Variants in LMO4 observed in about 807,000 individuals in gnomAD.
LMO4 encodes the protein LIM domain only 4, also known as LIM domain transcription factor LMO4.
A neutral mutation model predicts 18.5 loss-of-function variants in LMO4; 3 were observed. That is an observed-to-expected ratio of 0.16 (90% CI 0.07 to 0.42). LMO4 has a LOEUF of 0.42. Among genes scored for constraint, LMO4 ranks in the 10% least tolerant of loss-of-function variants. LMO4 has a pLI of 0.99. For synonymous variants in LMO4, 100 were observed against 88.1 expected, an observed-to-expected ratio of 1.14 and a Z score of -0.76; for missense variants, 121 against 219.9, an observed-to-expected ratio of 0.55 and a Z score of 2.84.
At chr1:87,339,660 T>TA (rs759744891) in intron 3 of LMO4, 28 bp downstream of exon 3, 2,484 of 1,231,220 alleles carry the variant, frequency 2.0e-3, no homozygotes, top group Non-Finnish European at 2.4e-3. Flanking sequence ...CTTTTTTTTT[T>TA]AAAAAAAAAA....
Position 87,339,627 on chromosome 1 carries a change from C to A in LMO4, c.328C>A (p.Leu110Ile). The A allele has an allele frequency of 6.2e-7, 1 of 1,602,630 alleles. No individual in the cohort carries two copies. The highest frequency in any genetic ancestry group is 8.5e-7 in the Non-Finnish European group (1 of 1,169,938). The change falls in exon 3 of 5, where the codon CTT (leucine) becomes ATT (isoleucine). Residue 110 changes from leucine to isoleucine, a missense_variant. Around this residue, in one of 4 missense-constraint regions of LMO4, gnomAD observed 62 missense variants for 128.8 expected, o/e 0.48. Transcript: ENST00000370544. ...VMRAQGNVYH[L>I]KCFTCSTCRN... is the part of the protein sequence containing the mutation. Reference sequence around the variant, plus strand: ...GAGGGCGCAAGGCAATGTGTATCATCTTAAGGTAGTATTTGCATCTCTCTT... The same window carrying A: ...GAGGGCGCAAGGCAATGTGTATCATATTAAGGTAGTATTTGCATCTCTCTT...
intron 2 of LMO4, among the ~76,000 whole-genome samples, chr1:87,334,014 G>A (rs762970572): frequency 3.3e-5 from 5 of 151,908 alleles, no homozygotes; most frequent in Admixed American, 1.3e-4. Context: ...AGATGGGTCC[G>A]CTTGTATTCC....
At chr1:87,333,240 A>C (rs1233430702) in intron 2 of LMO4, among the ~76,000 whole-genome samples, 1 of 152,108 alleles carries the variant, frequency 6.6e-6, no homozygotes, top group Non-Finnish European at 1.5e-5. Flanking sequence ...ATTTGAGTAA[A>C]TGGTTTGATA....
At chr1:87,332,864 GTT>G (rs1650196438) in intron 2 of LMO4, among the ~76,000 whole-genome samples, 1 of 152,152 alleles carries the variant, frequency 6.6e-6, no homozygotes. Context: ...TGGTGGTAAT[GTT>G]TCTCTTCATA....
chr1:87,348,805 A>G lies in LMO4; in HGVS notation c.*4009A>G. 1 of 501,580 alleles carries G rather than the reference A, an allele frequency of 2.0e-6. No homozygotes were observed. The highest frequency in any genetic ancestry group is 4.0e-6 in the Non-Finnish European group (1 of 251,360). The allele number at this position is 501,580 out of a possible 1,614,324, so 31.1% of individuals were successfully genotyped here. On this transcript the variant is annotated 3_prime_UTR_variant, in exon 5 of 5. Transcript: ENST00000370544. ...TTCAGATTGATTCTGCTGAGAATGGACGGCAACTCGGAGGCCTCAAGCCAA... is the reference window on the plus strand; with the variant it reads ...TTCAGATTGATTCTGCTGAGAATGGGCGGCAACTCGGAGGCCTCAAGCCAA...
At chr1:87,341,607 G>A (rs1570655028) in intron 4 of LMO4, among the ~76,000 whole-genome samples, 1 of 152,090 alleles carries the variant, frequency 6.6e-6, no homozygotes, top group Admixed American at 6.6e-5. Flanking sequence ...TTAAAATTAT[G>A]CTGCCATATT....
intron 1 of LMO4, among the ~76,000 whole-genome samples, chr1:87,330,701 C>A (rs1343836530): frequency 6.6e-6 from 1 of 152,138 alleles, no homozygotes; most frequent in Non-Finnish European, 1.5e-5. Context: ...TCTGAGGTAT[C>A]AGCTGAATGT....
chr1:87,339,423 A>T, intron 2 of LMO4, 113 bp from the exon 3 acceptor site: 1 of 681,660 alleles, frequency 1.5e-6, no homozygotes, highest in Non-Finnish European at 2.5e-6. Flanking sequence ...GAGCCTAAGA[A>T]TTCAGCCTGT....
chr1:87,334,562 T>C (rs1381622756), intron 2 of LMO4, among the ~76,000 whole-genome samples: 1 of 152,150 alleles, frequency 6.6e-6, no homozygotes, highest in Non-Finnish European at 1.5e-5. Context: ...CGCCGCCAGG[T>C]GAAGGGGACC....
intron 1 of LMO4, 76 bp from the exon 2 acceptor site, chr1:87,331,933 GCTCT>G (rs1650166241): frequency 3.4e-6 from 4 of 1,171,772 alleles, no homozygotes; most frequent in Admixed American, 1.8e-5. Context: ...GAATGGGCTT[GCTCT>G]CTCTCCGGCG....
At position 87,348,600 on chromosome 1, in the gene LMO4, TAA is replaced by T; in HGVS notation, c.*3806_*3807del. On this transcript the variant is annotated 3_prime_UTR_variant, in exon 5 of 5. Transcript: ENST00000370544. ...CATTCGCCGATGCTGGGTACCTAGT[TAA>T]AGAGGCATTTGTAGCCCTCTGCTCC... is the stretch of plus-strand genomic sequence containing the variant. The T allele has an allele frequency of 4.6e-6, 2 of 438,378 alleles. No homozygotes were observed. The highest frequency in any genetic ancestry group is 3.2e-5 in the South Asian group (2 of 61,822). The allele number at this position is 438,378 out of a possible 1,614,324, so 27.2% of individuals were successfully genotyped here.
rs950771216 is a variant in LMO4 at position 87,329,097 on chromosome 1, C to G, written c.-151C>G. 2.6e-5 allele frequency: 4 copies of G among 151,888 alleles called. No homozygotes were observed. Among genetic ancestry groups the G allele is most frequent in the African/African-American group, 9.7e-5 (4 of 41,202 alleles). 9.4% of individuals were successfully genotyped at this position (151,888 alleles called of 1,614,324 possible). On this transcript the variant is annotated 5_prime_UTR_variant, in exon 1 of 5. Coordinates refer to ENST00000370544, the MANE Select transcript of LMO4 (RefSeq NM_006769.4). Reference sequence around the variant, plus strand: ...AAAAAAAAAAAAAGCCGCCCTTAGCCCCCTCCTCCCCTTTCCTGCTTCTGC... The same window carrying G: ...AAAAAAAAAAAAAGCCGCCCTTAGCGCCCTCCTCCCCTTTCCTGCTTCTGC...
intron 2 of LMO4, among the ~76,000 whole-genome samples, chr1:87,339,201 A>G (rs543916967): frequency 4.9e-4 from 75 of 151,856 alleles, no homozygotes; most frequent in African/African-American, 1.7e-3. Flanking sequence ...GACACAATGC[A>G]TTTAAACTCC....
rs547715494 is a variant in LMO4, at chr1:87,346,318, C to T, written c.*1522C>T. On this transcript the variant is annotated 3_prime_UTR_variant, in exon 5 of 5. Coordinates refer to ENST00000370544, the MANE Select transcript of LMO4 (RefSeq NM_006769.4). ...CTGCACTGCCCGCAGAGCTGCCCTC[C>T]GGAAAGCATGCAGTATAACAGCTAG... The T allele has an allele frequency of 6.6e-6, 1 of 152,276 alleles. No individual in the cohort carries two copies. The highest frequency in any genetic ancestry group is 2.1e-4 in the South Asian group (1 of 4,814). The allele number at this position is 152,276 out of a possible 1,614,324, so 9.4% of individuals were successfully genotyped here.
intron 1 of LMO4, among the ~76,000 whole-genome samples, chr1:87,329,859 TAAAA>T (rs1168816647): frequency 6.6e-6 from 1 of 152,166 alleles, no homozygotes; most frequent in Non-Finnish European, 1.5e-5. Flanking sequence ...TGGTCTCCAT[TAAAA>T]AACACCAGAG....
At chr1:87,336,992 G>A (rs75277115) in intron 2 of LMO4, among the ~76,000 whole-genome samples, 12,392 of 151,798 alleles carry the variant, frequency 0.082, 730 homozygotes, top group East Asian at 0.19. Flanking sequence ...ACACACACAC[G>A]CACACACAAC....
intron 2 of LMO4, among the ~76,000 whole-genome samples, chr1:87,335,329 G>C (rs977122080): frequency 5.6e-4 from 86 of 152,232 alleles, no homozygotes; most frequent in African/African-American, 1.9e-3. Context: ...CGGGGAGGGC[G>C]AGGAAACGCG....
At position 87,329,127 on chromosome 1, in the gene LMO4, A is replaced by ACTCC. The variant is rs201709154; in HGVS notation, c.-108_-105dup. The ACTCC allele has an allele frequency of 0.056, 7,967 of 141,712 alleles. 395 individuals carry two copies. Among genetic ancestry groups the ACTCC allele is most frequent in the African/African-American group, 0.13 (5,100 of 37,996 alleles). The allele number at this position is 141,712 out of a possible 1,614,324, so 8.8% of individuals were successfully genotyped here. ...CCTCCCCTTTCCTGCTTCTGCGAGAACTCCCTCCCTCCCTCCAGCTCCGCC... is the reference window on the plus strand; with the variant it reads ...CCTCCCCTTTCCTGCTTCTGCGAGAACTCCCTCCCTCCCTCCCTCCAGCTCCGCC... On this transcript the variant is annotated 5_prime_UTR_variant, in exon 1 of 5. Coordinates refer to ENST00000370544, the MANE Select transcript of LMO4 (RefSeq NM_006769.4).
chr1:87,339,093 GTCT>G (rs1239525089), intron 2 of LMO4, among the ~76,000 whole-genome samples: 1 of 152,178 alleles, frequency 6.6e-6, no homozygotes, highest in Non-Finnish European at 1.5e-5. Flanking sequence ...TGAGCATGAT[GTCT>G]TCTTAGATAT....
Sources: gnomAD v4.1 joint callset for allele counts (sites outside exome capture counted in the v4.1 genomes callset) on GRCh38, gnomAD v4.1.1 for gene constraint, gnomAD v4.1.1 regional missense constraint, MANE v1.5 for transcripts, NCBI Gene and HGNC (gene_info 2026-07-23, HGNC 2026-07-21) for gene names.